PPP3CC: variants seen among roughly 807,000 people sequenced by gnomAD.
PPP3CC encodes protein phosphatase 3 catalytic subunit gamma.
In PPP3CC, 35 loss-of-function variants were observed where a neutral mutation model predicts 60.3. That is an observed-to-expected ratio of 0.58 (90% CI 0.44 to 0.77). PPP3CC has a LOEUF of 0.77. PPP3CC is among the 30% of genes least tolerant of loss of function. PPP3CC has a pLI of 0.00. For missense variants in PPP3CC, 570 were observed against 628.9 expected (o/e 0.91, Z 1.00); for synonymous variants, 206 against 224.3 (o/e 0.92, Z 0.73).
chr8:22,492,852 C>G, intron 3 of PPP3CC: 1 of 1,016,348 alleles, frequency 9.8e-7, no homozygotes, highest in Non-Finnish European at 1.6e-6. Flanking sequence ...AGCAGAGATG[C>G]CAGCAAACTC....
chr8:22,447,827 T>A (rs1191719637), intron 1 of PPP3CC, among the ~76,000 whole-genome samples: 1 of 152,186 alleles, frequency 6.6e-6, no homozygotes, highest in East Asian at 1.9e-4. Context: ...GTTTCTTGAG[T>A]CTTCGTTTGT....
At chr8:22,513,885 A>G (rs1839163159) in intron 6 of PPP3CC, among the ~76,000 whole-genome samples, 1 of 152,222 alleles carries the variant, frequency 6.6e-6, no homozygotes, top group African/African-American at 2.4e-5. Flanking sequence ...TAAGCCCAGT[A>G]CATTTCCTGG....
chr8:22,534,366 A>T (rs899749573), intron 12 of PPP3CC, among the ~76,000 whole-genome samples: 1 of 151,644 alleles, frequency 6.6e-6, no homozygotes, highest in Non-Finnish European at 1.5e-5. Flanking sequence ...AGGCTGTAGT[A>T]AGTTATGATT....
rs912550463 is a variant in PPP3CC, at chr8:22,522,684, C to T, written c.878C>T (p.Thr293Ile). The T allele has an allele frequency of 6.8e-6, 11 of 1,607,446 alleles. No homozygotes were observed. In the East Asian group the frequency reaches 2.5e-4, roughly 36 times the overall value. Residue 293 changes from threonine (T) to isoleucine (I), a missense_variant, in exon 8 of 14, where the codon ACA becomes ATA. Coordinates refer to ENST00000240139, the MANE Select transcript of PPP3CC (RefSeq NM_005605.5). ...CGAATGTACAGGAAGAGCCAAGCCACAGGCTTTCCATCACTTATTACAATT... is the reference window on the plus strand; with the variant it reads ...CGAATGTACAGGAAGAGCCAAGCCATAGGCTTTCCATCACTTATTACAATT... ...GYRMYRKSQA[T>I]GFPSLITIFS...
intron 3 of PPP3CC, among the ~76,000 whole-genome samples, chr8:22,495,876 G>T (rs749086727): frequency 1.3e-5 from 2 of 151,930 alleles, no homozygotes; most frequent in Non-Finnish European, 2.9e-5. Flanking sequence ...ATTTTTGTGT[G>T]GTCAAATTTA....
intron 3 of PPP3CC, among the ~76,000 whole-genome samples, chr8:22,490,710 T>C: frequency 6.6e-6 from 1 of 151,282 alleles, no homozygotes; most frequent in East Asian, 1.9e-4. Context: ...GTGGTTGGTT[T>C]TTTTGTCCTT....
rs1421853454 is a variant in PPP3CC at position 22,441,378 on chromosome 8, G to T, written c.-32G>T. ...CGCGGCGTAGGCGCACGTCCGGCGG[G>T]CTCCTGGAGCCTGGAGGAGGCCGAG... On this transcript the variant is annotated 5_prime_UTR_variant, in exon 1 of 14. Coordinates refer to ENST00000240139, the MANE Select transcript of PPP3CC (RefSeq NM_005605.5). 2 of 1,520,084 alleles carry T rather than the reference G, an allele frequency of 1.3e-6. No homozygotes were observed. The highest frequency in any genetic ancestry group is 1.2e-5 in the South Asian group (1 of 81,192). 94.2% of individuals were successfully genotyped at this position (1,520,084 alleles called of 1,614,324 possible). A position where few individuals can be genotyped will look rare whatever the true frequency, so the allele number is the denominator to read the frequency against.
chr8:22,498,991 G>A (rs1004638545), intron 4 of PPP3CC, among the ~76,000 whole-genome samples: 2 of 151,922 alleles, frequency 1.3e-5, no homozygotes, highest in Non-Finnish European at 1.5e-5. Flanking sequence ...GGGTGTGGTC[G>A]TGCGTGCCTG....
chr8:22,454,917 G>A (rs1396216606), intron 1 of PPP3CC, among the ~76,000 whole-genome samples: 1 of 151,818 alleles, frequency 6.6e-6, no homozygotes, highest in Non-Finnish European at 1.5e-5. Context: ...TTAGCCGGGC[G>A]CGGTGGTGGA....
chr8:22,515,981 C>T lies in PPP3CC; in HGVS notation c.770+2549C>T, dbSNP rs540290826. On this transcript the variant is annotated intron_variant, in intron 6 of 13. Coordinates refer to ENST00000240139, the MANE Select transcript of PPP3CC (RefSeq NM_005605.5). Reference sequence around the variant, plus strand: ...TGAGACAAGGTCTCTCTTTGTTACCCGGGCTGGAGTGCAGTGGCACCATAA... The same window carrying T: ...TGAGACAAGGTCTCTCTTTGTTACCTGGGCTGGAGTGCAGTGGCACCATAA... Among the ~76,000 whole-genome samples the T allele has an allele frequency of 6.7e-5, 10 of 149,706 alleles. No individual in the cohort carries two copies. The South Asian group carries it at 1.0e-3, about 16-fold the overall frequency.
chr8:22,522,601 T>C, intron 7 of PPP3CC, 33 bp downstream of exon 7: 1 of 1,594,038 alleles, frequency 6.3e-7, no homozygotes, highest in Non-Finnish European at 8.6e-7. Context: ...CAAATATCGC[T>C]GCAGAGTCTT....
intron 1 of PPP3CC, among the ~76,000 whole-genome samples, chr8:22,455,909 A>T (rs928087364): frequency 2.0e-5 from 3 of 152,258 alleles, no homozygotes; most frequent in Admixed American, 2.0e-4. Context: ...AATCTCAAAG[A>T]AGCTGATCAG....
At chr8:22,531,219 T>TC (rs1554544169) in intron 10 of PPP3CC, 1 of 1,330,760 alleles carries the variant, frequency 7.5e-7, no homozygotes, top group African/African-American at 1.5e-5. Flanking sequence ...GATTTTTTTT[T>TC]CTCTTTTCCA....
intron 3 of PPP3CC, among the ~76,000 whole-genome samples, chr8:22,486,727 GTTTTGTTTTTTT>G (rs1838234508): frequency 6.9e-6 from 1 of 144,988 alleles, no homozygotes; most frequent in Non-Finnish European, 1.5e-5. Context: ...TGTGTTTTTT[GTTTTGTTTTTTT>G]TTTTTTTTGG....
rs536550742 is a variant in PPP3CC, at chr8:22,509,960, C to T, written c.485-1126C>T. Among the ~76,000 whole-genome samples, 5 of 152,222 alleles carry T rather than the reference C, an allele frequency of 3.3e-5. No individual in the cohort carries two copies. In the South Asian group the frequency reaches 6.2e-4, roughly 19 times the overall value. On this transcript the variant is annotated intron_variant, in intron 4 of 13. Transcript: ENST00000240139. Reference sequence around the variant, plus strand: ...CAGCACTTTGGGAGGCCAAGGCAGGCGGATTGCGGGGTCAGGAGTTTGAGA... The same window carrying T: ...CAGCACTTTGGGAGGCCAAGGCAGGTGGATTGCGGGGTCAGGAGTTTGAGA...
intron 4 of PPP3CC, among the ~76,000 whole-genome samples, chr8:22,498,717 C>G (rs1337945200): frequency 6.6e-6 from 1 of 152,068 alleles, no homozygotes; most frequent in Non-Finnish European, 1.5e-5. Flanking sequence ...TTAAAGTATT[C>G]CATCTTACGA....
At chr8:22,456,732 C>T (rs557736691) in intron 1 of PPP3CC, among the ~76,000 whole-genome samples, 1 of 152,336 alleles carries the variant, frequency 6.6e-6, no homozygotes, top group South Asian at 2.1e-4. Context: ...TTAGTTACTT[C>T]CCCTGTATAG....
chr8:22,479,115 G>T (rs1837985403), intron 3 of PPP3CC, among the ~76,000 whole-genome samples: 1 of 152,050 alleles, frequency 6.6e-6, no homozygotes, highest in Admixed American at 6.5e-5. Context: ...CATGTTGCAA[G>T]TATACACTTG....
Position 22,530,537 on chromosome 8 carries a change from A to G in PPP3CC, c.1142-1688A>G, listed in dbSNP as rs2461484. On this transcript the variant is annotated intron_variant, in intron 10 of 13. Coordinates refer to ENST00000240139, the MANE Select transcript of PPP3CC (RefSeq NM_005605.5). ...TAAATAAATAAATAAATAAATAAAT[A>G]AAAAGGAAGAATGGGCCGGGCATAG... 3.9e-3 allele frequency among the ~76,000 whole-genome samples: 588 copies of G among 150,940 alleles called. 2 individuals carry two copies. Among genetic ancestry groups the G allele is most frequent in the East Asian group, 0.012 (64 of 5,130 alleles).
Sources: gnomAD v4.1 joint callset for allele counts (sites outside exome capture counted in the v4.1 genomes callset) on GRCh38, gnomAD v4.1.1 for gene constraint, MANE v1.5 for transcripts, NCBI Gene and HGNC (gene_info 2026-07-23, HGNC 2026-07-21) for gene names.